Variants in KHDRBS2 observed in about 807,000 individuals in gnomAD.
KHDRBS2 encodes the protein KH domain-containing, RNA-binding, signal transduction-associated protein 2.
In KHDRBS2, 26 loss-of-function variants were observed where a neutral mutation model predicts 44.3. That is an observed-to-expected ratio of 0.59 (90% confidence interval 0.43 to 0.81). The LOEUF (loss-of-function observed/expected upper bound fraction) is 0.81, where lower values mean the gene tolerates loss of function less well. Ranked by LOEUF, KHDRBS2 falls within the 40% of genes least tolerant of loss-of-function variation. The pLI, the probability that KHDRBS2 is intolerant of heterozygous loss-of-function variation, is 0.00. For synonymous variants in KHDRBS2, 194 were observed against 151.1 expected, an observed-to-expected ratio of 1.28 and a Z score of -2.08; for missense variants, 476 against 433.1, an observed-to-expected ratio of 1.10 and a Z score of -0.88.
chr6:61,556,268 C>G, the KHDRBS2 span, among the ~76,000 whole-genome samples: 1 of 152,148 alleles, frequency 6.6e-6, no homozygotes, highest in Non-Finnish European at 1.5e-5. Flanking sequence ...GGTGGCCATG[C>G]GTGCATTCAC....
chr6:61,619,982 G>C, the KHDRBS2 span, among the ~76,000 whole-genome samples: 5 of 151,882 alleles, frequency 3.3e-5, no homozygotes, highest in Non-Finnish European at 7.4e-5. Flanking sequence ...CTTTCATTTC[G>C]ATTACTTGTG....
At chr6:61,658,941 T>C in the KHDRBS2 span, among the ~76,000 whole-genome samples, 2 of 151,948 alleles carry the variant, frequency 1.3e-5, no homozygotes, top group Non-Finnish European at 2.9e-5. Flanking sequence ...TATACAACAC[T>C]ATTATATCTG....
intron 2 of KHDRBS2, among the ~76,000 whole-genome samples, chr6:62,097,839 A>T (rs985626933): frequency 1.3e-4 from 20 of 152,032 alleles, no homozygotes; most frequent in African/African-American, 3.6e-4. Context: ...CTTTGTGGTT[A>T]GGTGATTTTC....
chr6:61,716,257 A>G (rs539309165), intron 7 of KHDRBS2, among the ~76,000 whole-genome samples: 1 of 152,126 alleles, frequency 6.6e-6, no homozygotes, highest in East Asian at 1.9e-4. Context: ...AGCCAGCATC[A>G]ACTGCTATAT....
intron 3 of KHDRBS2, among the ~76,000 whole-genome samples, chr6:62,018,299 ATGTGTG>A (rs57360690): frequency 0.019 from 2,712 of 146,178 alleles, 30 homozygotes; most frequent in South Asian, 0.058. Context: ...ATATATATAT[ATGTGTG>A]TGTGTGTGTG....
intron 1 of KHDRBS2, among the ~76,000 whole-genome samples, chr6:62,276,193 G>A (rs1456509790): frequency 6.6e-6 from 1 of 152,148 alleles, no homozygotes; most frequent in Non-Finnish European, 1.5e-5. Flanking sequence ...GACATCGATC[G>A]TGGCATTTCT....
At chr6:62,069,247 T>C (rs948530753) in intron 2 of KHDRBS2, among the ~76,000 whole-genome samples, 1 of 151,696 alleles carries the variant, frequency 6.6e-6, no homozygotes, top group Admixed American at 6.6e-5. Flanking sequence ...ATCATATGTG[T>C]TATATTCTGT....
chr6:62,020,661 T>C (rs1262290815), intron 3 of KHDRBS2, among the ~76,000 whole-genome samples: 3 of 152,062 alleles, frequency 2.0e-5, no homozygotes, highest in African/African-American at 7.2e-5. Context: ...ATTTTATTTA[T>C]CAACTGACCC....
intron 6 of KHDRBS2, chr6:61,816,865 T>C (rs1008823647): frequency 1.8e-5 from 8 of 439,856 alleles, no homozygotes; most frequent in African/African-American, 1.6e-4. Flanking sequence ...ATGAGTGTTG[T>C]CCTAATTTAA....
intron 7 of KHDRBS2, among the ~76,000 whole-genome samples, chr6:61,702,924 A>T (rs1768925587): frequency 6.6e-6 from 1 of 151,798 alleles, no homozygotes; most frequent in Non-Finnish European, 1.5e-5. Context: ...TGCAGCTAAC[A>T]TTATATATCT....
chr6:61,571,444 T>C, the KHDRBS2 span, among the ~76,000 whole-genome samples: 25 of 152,074 alleles, frequency 1.6e-4, no homozygotes, highest in South Asian at 4.6e-3. Flanking sequence ...ACCTAATAAA[T>C]GAAATAAATG....
intron 6 of KHDRBS2, among the ~76,000 whole-genome samples, chr6:61,751,584 A>T (rs906096014): frequency 1.3e-5 from 2 of 152,210 alleles, no homozygotes; most frequent in African/African-American, 4.8e-5. Context: ...ACTTAAAAAC[A>T]TAACACTTAA....
rs201150227 is a variant in KHDRBS2 at position 61,921,118 on chromosome 6, G to A, written c.484-19747C>T. On this transcript the variant is annotated intron_variant, in intron 4 of 8. Coordinates refer to ENST00000281156, the MANE Select transcript of KHDRBS2 (RefSeq NM_152688.4). Reference sequence around the variant, plus strand: ...GGAGAGATGTATAAACAAAGATAATGTAAATTATGAATTCATTAGTGAAAA... The same window carrying A: ...GGAGAGATGTATAAACAAAGATAATATAAATTATGAATTCATTAGTGAAAA... Among the ~76,000 whole-genome samples, 3 of 151,896 alleles carry A rather than the reference G, an allele frequency of 2.0e-5. 1 individual carries two copies. The highest frequency in any genetic ancestry group is 4.1e-4 in the South Asian group (2 of 4,830).
At chr6:61,813,478 C>T (rs1177373880) in intron 6 of KHDRBS2, among the ~76,000 whole-genome samples, 3 of 152,128 alleles carry the variant, frequency 2.0e-5, no homozygotes, top group African/African-American at 7.2e-5. Flanking sequence ...ATTTCTGGAA[C>T]CACATTAATC....
At chr6:62,086,061 T>G (rs1208547528) in intron 2 of KHDRBS2, among the ~76,000 whole-genome samples, 1 of 152,148 alleles carries the variant, frequency 6.6e-6, no homozygotes, top group Non-Finnish European at 1.5e-5. Context: ...ATTACCAACG[T>G]ACATCAACAA....
chr6:61,560,601 T>C, the KHDRBS2 span, among the ~76,000 whole-genome samples: 1 of 152,336 alleles, frequency 6.6e-6, no homozygotes, highest in South Asian at 2.1e-4. Flanking sequence ...TAAAGGACTC[T>C]GATGCATTCT....
At chr6:62,211,434 G>A (rs556624212) in intron 1 of KHDRBS2, among the ~76,000 whole-genome samples, 63 of 152,056 alleles carry the variant, frequency 4.1e-4, no homozygotes, top group Non-Finnish European at 8.5e-4. Flanking sequence ...CATGATTTCT[G>A]GTTGATAAGA....
chr6:61,558,775 G>T, the KHDRBS2 span, among the ~76,000 whole-genome samples: 1 of 152,132 alleles, frequency 6.6e-6, no homozygotes, highest in Non-Finnish European at 1.5e-5. Flanking sequence ...TTTGGTCAGA[G>T]AAGTTACTTG....
At chr6:61,717,939 A>T (rs1326668636) in intron 7 of KHDRBS2, among the ~76,000 whole-genome samples, 1 of 152,034 alleles carries the variant, frequency 6.6e-6, no homozygotes, top group Non-Finnish European at 1.5e-5. Context: ...GTTGGTCTTT[A>T]TGTCTAACAC....
Sources: gnomAD v4.1 joint callset for allele counts (sites outside exome capture counted in the v4.1 genomes callset) on GRCh38, gnomAD v4.1.1 for gene constraint, MANE v1.5 for transcripts, NCBI Gene and HGNC (gene_info 2026-07-23, HGNC 2026-07-21) for gene names.